Variants in FSIP2 observed in about 807,000 individuals in gnomAD.
The protein encoded by FSIP2 is fibrous sheath-interacting protein 2.
A neutral mutation model predicts 510.5 loss-of-function variants in FSIP2; 367 were observed. That is an observed-to-expected ratio of 0.72 (90% CI 0.66 to 0.78). The LOEUF (loss-of-function observed/expected upper bound fraction) is 0.78. FSIP2 is among the 30% of genes least tolerant of loss of function. FSIP2 has a pLI of 0.00. For missense variants in FSIP2, 7,594 were observed against 7,901.7 expected (o/e 0.96, Z 1.48); for synonymous variants, 2,601 against 2,732.2 (o/e 0.95, Z 1.50).
In FSIP2 at chr2:185,794,995, T is replaced by C; in HGVS notation, c.7859T>C (p.Leu2620Pro). Residue 2620 changes from leucine (L) to proline (P), a missense_variant, in exon 16 of 23, where the codon CTT becomes CCT. By Grantham distance (98) the Leu-to-Pro change is moderately conservative. Transcript: ENST00000424728. ...SQNISVMENT[L>P]LPYLPLQVKK... ...AATATCTCTGTGATGGAAAACACTC[T>C]TTTGCCATATTTACCATTGCAAGTG... is the stretch of plus-strand genomic sequence containing the variant. 11 of 1,533,962 alleles carry C rather than the reference T, an allele frequency of 7.2e-6. No homozygotes were observed. Among genetic ancestry groups the C allele is most frequent in the Non-Finnish European group, 9.6e-6 (11 of 1,145,704 alleles).
In FSIP2 at chr2:185,807,879, A is replaced by G. The variant is rs1041963912; in HGVS notation, c.18573A>G (p.Leu6191=). The G allele has an allele frequency of 3.1e-6, 5 of 1,605,954 alleles. No homozygotes were observed. The African/African-American group carries it at 4.0e-5, about 13-fold the overall frequency. The change falls in exon 17 of 23, where the codon TTA becomes TTG. Residue 6191 remains leucine, a synonymous_variant. Coordinates refer to ENST00000424728, the MANE Select transcript of FSIP2 (RefSeq NM_173651.4). The stretch of plus-strand genomic sequence containing the variant: ...CTGTGAAATTTTTATCAAAGCTTTT[A>G]TCTATATTTCCAAAAGTACATAAAG... ...EIAVKFLSKL[L]SIFPKVHKER...
chr2:185,830,446 G>A (rs1694086463), intron 21 of FSIP2, among the ~76,000 whole-genome samples: 1 of 151,892 alleles, frequency 6.6e-6, no homozygotes, highest in South Asian at 2.1e-4. Flanking sequence ...CCTGATAGCT[G>A]TAGGGGATTG....
At chr2:185,738,557 A>G, upstream of FSIP2, 1 of 1,501,286 alleles carries the variant, frequency 6.7e-7, no homozygotes, top group African/African-American at 1.4e-5. Flanking sequence ...GGGGAAATTA[A>G]CCAGTTACCC....
intron 18 of FSIP2, among the ~76,000 whole-genome samples, 180 bp downstream of exon 18, chr2:185,814,222 A>C (rs1291377239): frequency 1.3e-5 from 2 of 152,028 alleles, no homozygotes; most frequent in Non-Finnish European, 2.9e-5. Context: ...CAACTGTGGG[A>C]AAGCAGGTAA....
In FSIP2 at chr2:185,805,782, T is replaced by A; in HGVS notation, c.16476T>A (p.Leu5492=). Reference sequence around the variant, plus strand: ...AAGGTGACATCCAAAATCCAGTACTTAGCTCTATAAATGCAATTATGAAAA... The same window carrying A: ...AAGGTGACATCCAAAATCCAGTACTAAGCTCTATAAATGCAATTATGAAAA... ...VKKGDIQNPV[L]SSINAIMKSG... The change falls in exon 17 of 23, where the codon CTT becomes CTA. Residue 5492 remains leucine, a synonymous_variant. Coordinates refer to ENST00000424728, the MANE Select transcript of FSIP2 (RefSeq NM_173651.4). The A allele has an allele frequency of 1.2e-6, 2 of 1,603,872 alleles. No individual in the cohort carries two copies. Among genetic ancestry groups the A allele is most frequent in the Non-Finnish European group, 1.7e-6 (2 of 1,176,504 alleles).
At chr2:185,816,233 C>T (rs1165883828) in intron 19 of FSIP2, among the ~76,000 whole-genome samples, 3 of 147,970 alleles carry the variant, frequency 2.0e-5, no homozygotes, top group Non-Finnish European at 3.0e-5. Flanking sequence ...GCTGGAATTG[C>T]ATTTTTTTTT....
chr2:185,813,925 G>C lies in FSIP2; in HGVS notation c.20208G>C (p.Gln6736His). 1 of 1,613,592 alleles carries C rather than the reference G, an allele frequency of 6.2e-7. No individual in the cohort carries two copies. The highest frequency in any genetic ancestry group is 8.5e-7 in the Non-Finnish European group (1 of 1,179,724). The stretch of plus-strand genomic sequence containing the variant: ...AAAGTACTGAAGCAATCTCAAATCA[G>C]GTAATAGAATCCAAGGAGACACATG... ...NIESTEAISN[Q>H]VIESKETHVK... is the part of the protein sequence containing the mutation. Residue 6736 changes from glutamine (Q) to histidine (H), a missense_variant, in exon 18 of 23, where the codon CAG becomes CAC. Physicochemically the swap from Gln to His is conservative, Grantham distance 24. Transcript: ENST00000424728.
chr2:185,746,592 G>C (rs559795111), intron 5 of FSIP2, 77 bp from the exon 6 acceptor site: 12 of 1,109,128 alleles, frequency 1.1e-5, no homozygotes, highest in Non-Finnish European at 1.2e-5. Flanking sequence ...GAAGTGGTTT[G>C]GGAATGGCAT....
chr2:185,793,717 C>T lies in FSIP2; in HGVS notation c.6581C>T (p.Pro2194Leu). The part of the protein sequence containing the change: ...RLPLTFCDTF[P>L]KIDCQQPLKG... ...CCCCTGACATTTTGTGATACGTTTC[C>T]AAAAATAGACTGTCAACAGCCTCTT... The change falls in exon 16 of 23, where the codon CCA (proline) becomes CTA (leucine). Residue 2194 changes from proline to leucine, a missense_variant. Coordinates refer to ENST00000424728, the MANE Select transcript of FSIP2 (RefSeq NM_173651.4). 1.3e-6 allele frequency: 2 copies of T among 1,534,142 alleles called. No homozygotes were observed. The highest frequency in any genetic ancestry group is 1.4e-5 in the African/African-American group (1 of 72,884).
chr2:185,749,826 G>A (rs1164683744), intron 7 of FSIP2, among the ~76,000 whole-genome samples: 1 of 151,568 alleles, frequency 6.6e-6, no homozygotes, highest in East Asian at 1.9e-4. Flanking sequence ...ATTGGGATGA[G>A]GAAATTTTCT....
At chr2:185,814,160 T>C (rs2161035) in intron 18 of FSIP2, 118 bp downstream of exon 18, 550,445 of 1,011,860 alleles carry the variant, frequency 0.54, 151,584 homozygotes, top group South Asian at 0.64. Flanking sequence ...ATCTCAAGCC[T>C]GGTGATATTT....
In FSIP2 at chr2:185,793,623, G is replaced by A; in HGVS notation, c.6487G>A (p.Val2163Ile). Residue 2163 changes from valine (V) to isoleucine (I), a missense_variant, in exon 16 of 23, where the codon GTT becomes ATT. Physicochemically the swap from Val to Ile is conservative, Grantham distance 29. Coordinates refer to ENST00000424728, the MANE Select transcript of FSIP2 (RefSeq NM_173651.4). Reference sequence around the variant, plus strand: ...GATATCCAATGATATAGTGAATATTGTTCTTCATAATCTCAGTTCTGCTGC... The same window carrying A: ...GATATCCAATGATATAGTGAATATTATTCTTCATAATCTCAGTTCTGCTGC... ...ILISNDIVNI[V>I]LHNLSSAATL... is the part of the protein sequence containing the mutation. 2 of 1,534,134 alleles carry A rather than the reference G, an allele frequency of 1.3e-6. No individual in the cohort carries two copies. Among genetic ancestry groups the A allele is most frequent in the Non-Finnish European group, 1.7e-6 (2 of 1,145,416 alleles).
At chr2:185,773,507 G>A (rs571071244) in intron 13 of FSIP2, among the ~76,000 whole-genome samples, 2 of 152,254 alleles carry the variant, frequency 1.3e-5, no homozygotes, top group South Asian at 4.1e-4. Flanking sequence ...GCAGGTTACT[G>A]AGCCTTTCTT....
intron 13 of FSIP2, among the ~76,000 whole-genome samples, chr2:185,779,982 AGAATCACTTGAACCTG>A (rs1291070745): frequency 6.6e-6 from 1 of 151,320 alleles, no homozygotes; most frequent in Non-Finnish European, 1.5e-5. Context: ...CTGAGGCATA[AGAATCACTTGAACCTG>A]GGAGGCAGAG....
At chr2:185,767,503 G>T (rs1291584242) in intron 13 of FSIP2, among the ~76,000 whole-genome samples, 2 of 151,970 alleles carry the variant, frequency 1.3e-5, no homozygotes, top group African/African-American at 4.8e-5. Context: ...CTATGAGCTT[G>T]ACATTTTTAT....
At chr2:185,749,532 A>G (rs1692102245) in intron 7 of FSIP2, among the ~76,000 whole-genome samples, 1 of 151,926 alleles carries the variant, frequency 6.6e-6, no homozygotes, top group Non-Finnish European at 1.5e-5. Context: ...CAGTTCTAGT[A>G]GTTCTTTTTT....
In FSIP2 at chr2:185,790,668, C is replaced by T. The variant is rs1693100399; in HGVS notation, c.3532C>T (p.Leu1178Phe). 3 of 1,533,738 alleles carry T rather than the reference C, an allele frequency of 2.0e-6. No homozygotes were observed. The highest frequency in any genetic ancestry group is 1.4e-5 in the African/African-American group (1 of 72,862). ...AATAACAGATTCTGTGTTAAACATA[C>T]TTCATAAGGCATCAAACTACATTTC... is the stretch of plus-strand genomic sequence containing the variant. The part of the protein sequence containing the change: ...QEITDSVLNI[L>F]HKASNYISNT... The change falls in exon 16 of 23, where the codon CTT becomes TTT. Residue 1178 changes from leucine to phenylalanine, a missense_variant. By Grantham distance (22) the Leu-to-Phe change is conservative. Transcript: ENST00000424728.
At chr2:185,754,726 C>T (rs1692209332) in intron 8 of FSIP2, among the ~76,000 whole-genome samples, 1 of 151,472 alleles carries the variant, frequency 6.6e-6, no homozygotes, top group Non-Finnish European at 1.5e-5. Context: ...TTTTACACTA[C>T]ATCCTTGAAG....
At chr2:185,741,930 G>C (rs1471821559) in intron 2 of FSIP2, among the ~76,000 whole-genome samples, 1 of 152,180 alleles carries the variant, frequency 6.6e-6, no homozygotes, top group Non-Finnish European at 1.5e-5. Flanking sequence ...GACTGCAACT[G>C]TGGTTACGGC....
Sources: allele counts gnomAD v4.1 joint callset (sites outside exome capture counted in the v4.1 genomes callset), GRCh38; gene constraint gnomAD v4.1.1; transcripts MANE v1.5; gene names NCBI Gene and HGNC (gene_info 2026-07-23, HGNC 2026-07-21).